The following RSBN1 variants were observed in gnomAD, a reference collection of about 807,000 sequenced individuals.
The protein encoded by RSBN1 is round spermatid basic protein 1.
Under a neutral mutation model 74.8 loss-of-function variants are expected in RSBN1, and 23 were observed. The ratio of observed to expected loss-of-function variants is 0.31; its 90% CI spans 0.22 to 0.44. The LOEUF (loss-of-function observed/expected upper bound fraction) is 0.44, where lower values mean the gene tolerates loss of function less well. Ranked by LOEUF, RSBN1 falls within the 20% of genes least tolerant of loss-of-function variation. The pLI, the probability that RSBN1 is intolerant of heterozygous loss-of-function variation, is 1.00. For synonymous variants in RSBN1, 407 were observed against 379.6 expected (o/e 1.07, Z -0.84); for missense variants, 808 against 1,020.9 (o/e 0.79, Z 2.84).
At position 113,777,287 on chromosome 1, in the gene RSBN1, C is replaced by G. The variant is rs772726004; in HGVS notation, c.1581G>C (p.Gly527=). 6.2e-7 allele frequency: 1 copy of G among 1,613,054 alleles called. No individual in the cohort carries two copies. The highest frequency in any genetic ancestry group is 8.5e-7 in the Non-Finnish European group (1 of 1,179,446). Residue 527 remains glycine, a synonymous_variant, in exon 4 of 7, where the codon GGG becomes GGC. Coordinates refer to ENST00000261441, the MANE Select transcript of RSBN1 (RefSeq NM_018364.5). ...RLQCRSQSDD[G]PIMWVRPGEQ... ...CTCCTGGCCTTACCCACATTATAGG[C>G]CCATCATCACTCTGGGACCTACACT...
chr1:113,779,584 A>G (rs1017866340), intron 2 of RSBN1, among the ~76,000 whole-genome samples: 4 of 152,212 alleles, frequency 2.6e-5, no homozygotes, highest in African/African-American at 9.7e-5. Context: ...AAGGCTCATC[A>G]TGGGATATAG....
chr1:113,807,171 G>A (rs761502794), intron 1 of RSBN1, among the ~76,000 whole-genome samples: 15 of 151,922 alleles, frequency 9.9e-5, no homozygotes, highest in South Asian at 2.1e-4. Context: ...AAAATTAGCC[G>A]GGCATGGTGG....
chr1:113,806,659 G>T (rs1452304098), intron 1 of RSBN1, among the ~76,000 whole-genome samples: 1 of 151,454 alleles, frequency 6.6e-6, no homozygotes, highest in Admixed American at 6.6e-5. Context: ...TTAGTAAATT[G>T]GATATCAACA....
chr1:113,789,797 A>C (rs1031723854), intron 2 of RSBN1, among the ~76,000 whole-genome samples: 7 of 152,214 alleles, frequency 4.6e-5, no homozygotes, highest in African/African-American at 1.7e-4. Flanking sequence ...TTGAGAGCAG[A>C]GGAAAAGTAA....
intron 1 of RSBN1, among the ~76,000 whole-genome samples, chr1:113,807,039 G>C (rs370604049): frequency 1.3e-5 from 2 of 151,456 alleles, no homozygotes; most frequent in Middle Eastern, 3.2e-3. Context: ...CAGGCTGGGC[G>C]TGGTGGCTCA....
intron 2 of RSBN1, among the ~76,000 whole-genome samples, chr1:113,794,141 C>T (rs1660423813): frequency 6.6e-6 from 1 of 152,180 alleles, no homozygotes; most frequent in Admixed American, 6.5e-5. Context: ...GACTATCTCT[C>T]TCTCTCACCA....
chr1:113,779,943 A>G (rs1445348383), intron 2 of RSBN1, among the ~76,000 whole-genome samples: 2 of 151,886 alleles, frequency 1.3e-5, no homozygotes, highest in East Asian at 1.9e-4. Context: ...CTGCTTGAAC[A>G]TGGGAGGCGG....
At chr1:113,807,397 T>C (rs1024197507) in intron 1 of RSBN1, among the ~76,000 whole-genome samples, 2 of 149,754 alleles carry the variant, frequency 1.3e-5, no homozygotes, top group Non-Finnish European at 3.0e-5. Context: ...GGAGAAAATA[T>C]GTGCAAACCA....
In RSBN1 at chr1:113,811,908, C is replaced by A. The variant is rs1480675672; in HGVS notation, c.505G>T (p.Ala169Ser). ...GTCAGAGGCGAGAAGGTGAAGAGGGCCGAGGTGCTTGGGGCCGGGAGAGGG... is the reference window on the plus strand; with the variant it reads ...GTCAGAGGCGAGAAGGTGAAGAGGGACGAGGTGCTTGGGGCCGGGAGAGGG... ...AAPLPAPSTS[A>S]LFTFSPLTVS... Residue 169 changes from alanine to serine, a missense_variant, in exon 1 of 7, where the codon GCC becomes TCC. By Grantham distance (99) the Ala-to-Ser change is moderately conservative (BLOSUM62 1). This residue lies in a region of RSBN1 where 464 missense variants were observed against 401.0 expected (regional missense o/e 1.16). Transcript: ENST00000261441. 9.3e-6 allele frequency: 15 copies of A among 1,608,992 alleles called. No homozygotes were observed. Among genetic ancestry groups the A allele is most frequent in the Non-Finnish European group, 1.3e-5 (15 of 1,177,630 alleles).
At chr1:113,810,326 T>C (rs1201812074) in intron 1 of RSBN1, among the ~76,000 whole-genome samples, 2 of 152,102 alleles carry the variant, frequency 1.3e-5, no homozygotes, top group Non-Finnish European at 2.9e-5. Context: ...AGTTTCCTTT[T>C]CTACAATACA....
At chr1:113,809,933 A>G (rs895298822) in intron 1 of RSBN1, among the ~76,000 whole-genome samples, 1 of 152,230 alleles carries the variant, frequency 6.6e-6, no homozygotes, top group Non-Finnish European at 1.5e-5. Flanking sequence ...AGAAAGTTCT[A>G]TCAGTCAGCA....
chr1:113,773,666 T>TA (rs1480664957), intron 4 of RSBN1, among the ~76,000 whole-genome samples: 1 of 152,144 alleles, frequency 6.6e-6, no homozygotes, highest in Admixed American at 6.5e-5. Context: ...GGAAGCCCAT[T>TA]AGAAATGTGT....
At chr1:113,795,984 G>A (rs1660463848) in intron 2 of RSBN1, among the ~76,000 whole-genome samples, 1 of 152,080 alleles carries the variant, frequency 6.6e-6, no homozygotes, top group Non-Finnish European at 1.5e-5. Flanking sequence ...AAATGATAGA[G>A]CATGTTGATT....
Position 113,768,328 on chromosome 1 carries a change from G to A in RSBN1, c.1720C>T (p.Leu574Phe). The part of the protein sequence containing the change: ...LPRTSEPREV[L>F]FEDRTRAHAD... ...TGAGCTCTAGTCCTATCTTCAAAGA[G>A]AACTTCGCGGGGTTCACTGGTCCGA... The change falls in exon 5 of 7, where the codon CTC becomes TTC. Residue 574 changes from leucine (L) to phenylalanine (F), a missense_variant. This residue lies in a region of RSBN1 where 112 missense variants were observed against 257.3 expected (regional missense o/e 0.44). Transcript: ENST00000261441. The A allele has an allele frequency of 1.9e-6, 3 of 1,613,030 alleles. No individual in the cohort carries two copies. Among genetic ancestry groups the A allele is most frequent in the Non-Finnish European group, 2.5e-6 (3 of 1,179,346 alleles).
At chr1:113,778,724 A>G in intron 2 of RSBN1, among the ~76,000 whole-genome samples, 1 of 152,142 alleles carries the variant, frequency 6.6e-6, no homozygotes, top group East Asian at 1.9e-4. Flanking sequence ...TCTTTCAAAG[A>G]GCAGTTCAAA....
intron 4 of RSBN1, among the ~76,000 whole-genome samples, chr1:113,768,941 T>C (rs61817592): frequency 6.6e-6 from 1 of 151,622 alleles, no homozygotes; most frequent in Non-Finnish European, 1.5e-5. Context: ...TATATATATA[T>C]ACTTTTTTTA....
chr1:113,804,044 G>A (rs887963053), intron 1 of RSBN1, among the ~76,000 whole-genome samples: 7 of 151,692 alleles, frequency 4.6e-5, no homozygotes, highest in Non-Finnish European at 1.0e-4. Flanking sequence ...TGGGAGGATC[G>A]CTTGAGCCCA....
intron 2 of RSBN1, among the ~76,000 whole-genome samples, chr1:113,785,078 A>G (rs1358726888): frequency 6.6e-6 from 1 of 152,126 alleles, no homozygotes; most frequent in Admixed American, 6.5e-5. Flanking sequence ...CTATACAAAA[A>G]TACTTTCTTT....
At chr1:113,800,953 AATCT>A in intron 1 of RSBN1, among the ~76,000 whole-genome samples, 1 of 152,164 alleles carries the variant, frequency 6.6e-6, no homozygotes, top group South Asian at 2.1e-4. Context: ...AGTAAATTTC[AATCT>A]ATCTTCTCAC....
Sources: gnomAD v4.1 joint callset for allele counts (sites outside exome capture counted in the v4.1 genomes callset) on GRCh38, gnomAD v4.1.1 for gene constraint, gnomAD v4.1.1 regional missense constraint, MANE v1.5 for transcripts, NCBI Gene and HGNC (gene_info 2026-07-23, HGNC 2026-07-21) for gene names.